The following C8orf34 variants were observed in gnomAD, a reference collection of about 807,000 sequenced individuals.
C8orf34 encodes the protein chromosome 8 open reading frame 34, also known as uncharacterized protein C8orf34.
C8orf34 carries 65 observed loss-of-function variants against 68.3 expected under a neutral mutation model. That is an observed-to-expected ratio of 0.95 (90% CI 0.78 to 1.17). C8orf34 has a LOEUF of 1.17. Ranked by LOEUF, C8orf34 falls within the 50% of genes most tolerant of loss-of-function variation. The pLI is 0.00. For missense variants in C8orf34, 664 were observed against 655.4 expected, an observed-to-expected ratio of 1.01 and a Z score of -0.14; for synonymous variants, 244 against 241.2, an observed-to-expected ratio of 1.01 and a Z score of -0.11.
intron 4 of C8orf34, among the ~76,000 whole-genome samples, chr8:68,483,012 T>C (rs1048296657): frequency 5.9e-5 from 9 of 152,220 alleles, no homozygotes; most frequent in African/African-American, 2.2e-4. Context: ...AAGTAGATTT[T>C]GGAGAAATAG....
intron 1 of C8orf34, among the ~76,000 whole-genome samples, chr8:68,337,117 G>C (rs956770281): frequency 6.6e-6 from 1 of 152,074 alleles, no homozygotes; most frequent in African/African-American, 2.4e-5. Flanking sequence ...ACATTAATCA[G>C]TACTAAAATT....
At chr8:68,373,914 T>A (rs1807673231) in intron 1 of C8orf34, among the ~76,000 whole-genome samples, 1 of 152,142 alleles carries the variant, frequency 6.6e-6, no homozygotes, top group African/African-American at 2.4e-5. Context: ...CTTTCTTATG[T>A]TTTTTTGTTT....
chr8:68,392,610 T>C (rs1366239567), intron 1 of C8orf34, among the ~76,000 whole-genome samples: 1 of 152,044 alleles, frequency 6.6e-6, no homozygotes, highest in African/African-American at 2.4e-5. Flanking sequence ...AATTTTGCTT[T>C]CCAAATAATT....
chr8:68,460,993 C>T (rs1032484404), intron 3 of C8orf34, among the ~76,000 whole-genome samples: 23 of 152,226 alleles, frequency 1.5e-4, no homozygotes, highest in East Asian at 3.9e-4. Context: ...CAAACTACTC[C>T]GAGCTACAGG....
intron 1 of C8orf34, among the ~76,000 whole-genome samples, chr8:68,409,419 G>A (rs888840873): frequency 6.6e-6 from 1 of 152,118 alleles, no homozygotes; most frequent in African/African-American, 2.4e-5. Context: ...AGGCTAATGT[G>A]TGTGTTTGTG....
At chr8:68,553,821 T>A (rs1289875475) in intron 7 of C8orf34, among the ~76,000 whole-genome samples, 1 of 152,122 alleles carries the variant, frequency 6.6e-6, no homozygotes, top group Non-Finnish European at 1.5e-5. Flanking sequence ...GATTTTTCTC[T>A]TCTCACATTC....
intron 1 of C8orf34, among the ~76,000 whole-genome samples, chr8:68,332,115 A>T (rs1378351500): frequency 2.0e-5 from 3 of 151,976 alleles, no homozygotes; most frequent in Non-Finnish European, 4.4e-5. Flanking sequence ...TCTCGCCATT[A>T]AAGAATTTAA....
intron 11 of C8orf34, among the ~76,000 whole-genome samples, chr8:68,777,752 T>C (rs1327999113): frequency 6.6e-6 from 1 of 152,220 alleles, no homozygotes; most frequent in African/African-American, 2.4e-5. Flanking sequence ...AAAATCCCAA[T>C]TTTGTTTAAA....
At chr8:68,497,797 A>G (rs1813590301) in intron 5 of C8orf34, among the ~76,000 whole-genome samples, 2 of 151,880 alleles carry the variant, frequency 1.3e-5, no homozygotes, top group Admixed American at 6.6e-5. Flanking sequence ...AAGTAAGTGC[A>G]ATGAAAATAT....
At chr8:68,709,489 T>C (rs2130963092) in intron 9 of C8orf34, among the ~76,000 whole-genome samples, 1 of 152,288 alleles carries the variant, frequency 6.6e-6, no homozygotes, top group East Asian at 1.9e-4. Context: ...GATCCAGTCA[T>C]TCTTCTTGGG....
intron 10 of C8orf34, among the ~76,000 whole-genome samples, chr8:68,730,254 G>T (rs1057003559): frequency 2.0e-5 from 3 of 152,134 alleles, no homozygotes; most frequent in Non-Finnish European, 4.4e-5. Context: ...GCGGCTAATT[G>T]TAGCAATGAA....
At chr8:68,629,885 A>C (rs1418729560) in intron 7 of C8orf34, among the ~76,000 whole-genome samples, 2 of 152,070 alleles carry the variant, frequency 1.3e-5, no homozygotes, top group Non-Finnish European at 2.9e-5. Flanking sequence ...AAAGTGAAGT[A>C]ATGATAAGGG....
chr8:68,487,992 CTT>C (rs759115921), intron 4 of C8orf34, 29 bp from the exon 5 acceptor site: 1 of 1,535,778 alleles, frequency 6.5e-7, no homozygotes, highest in Admixed American at 1.9e-5. Context: ...GCTTCTAAAA[CTT>C]TTTTTTATAA....
At chr8:68,664,742 C>T (rs1819787193) in intron 8 of C8orf34, among the ~76,000 whole-genome samples, 1 of 152,054 alleles carries the variant, frequency 6.6e-6, no homozygotes, top group Non-Finnish European at 1.5e-5. Flanking sequence ...GAGAGAACAC[C>T]AGGGAAGCCA....
intron 1 of C8orf34, among the ~76,000 whole-genome samples, chr8:68,413,282 TAATC>T (rs1469769087): frequency 6.6e-6 from 1 of 152,186 alleles, no homozygotes; most frequent in Non-Finnish European, 1.5e-5. Context: ...TTTACTGAGA[TAATC>T]AAAGCAATCT....
chr8:68,353,417 G>A (rs893499232), intron 1 of C8orf34, among the ~76,000 whole-genome samples: 3 of 151,630 alleles, frequency 2.0e-5, no homozygotes, highest in African/African-American at 7.3e-5. Flanking sequence ...TTTTATGAGT[G>A]ATGCATAGAT....
At chr8:68,809,122 C>T (rs1474720287) in intron 12 of C8orf34, among the ~76,000 whole-genome samples, 1 of 152,112 alleles carries the variant, frequency 6.6e-6, no homozygotes, top group East Asian at 1.9e-4. Context: ...AGAGAAAGGG[C>T]TTGCACTCAA....
intron 5 of C8orf34, among the ~76,000 whole-genome samples, chr8:68,507,389 C>T (rs1814072596): frequency 6.6e-6 from 1 of 152,132 alleles, no homozygotes; most frequent in South Asian, 2.1e-4. Flanking sequence ...ATGAGACTGA[C>T]ATGAGATAAT....
chr8:68,471,778 T>G (rs1466378843), intron 4 of C8orf34, among the ~76,000 whole-genome samples: 1 of 152,112 alleles, frequency 6.6e-6, no homozygotes, highest in Non-Finnish European at 1.5e-5. Flanking sequence ...GAGAATTCAC[T>G]TTATCTTGGT....
Sources: allele counts gnomAD v4.1 joint callset (sites outside exome capture counted in the v4.1 genomes callset), GRCh38; gene constraint gnomAD v4.1.1; transcripts MANE v1.5; gene names NCBI Gene and HGNC (gene_info 2026-07-23, HGNC 2026-07-21).